SLAIN2: variants seen among roughly 807,000 people sequenced by gnomAD.
The protein encoded by SLAIN2 is SLAIN motif-containing protein 2.
In SLAIN2, 31 loss-of-function variants were observed where a neutral mutation model predicts 56.6. The observed-to-expected ratio is 0.55, with a 90% confidence interval of 0.41 to 0.74. SLAIN2 has a LOEUF of 0.74. Among genes scored for constraint, SLAIN2 ranks in the 30% least tolerant of loss-of-function variants. SLAIN2 has a pLI of 0.00. For missense variants in SLAIN2, 777 were observed against 754.2 expected (o/e 1.03, Z -0.35); for synonymous variants, 317 against 284.9 (o/e 1.11, Z -1.13).
chr4:48,395,959 T>G (rs1241049366), intron 6 of SLAIN2, among the ~76,000 whole-genome samples: 1 of 151,952 alleles, frequency 6.6e-6, no homozygotes, highest in Admixed American at 6.6e-5. Flanking sequence ...AGTAGAAGAT[T>G]TTAAGTTTAT....
intron 3 of SLAIN2, among the ~76,000 whole-genome samples, chr4:48,379,444 T>C (rs1715915159): frequency 6.6e-6 from 1 of 152,088 alleles, no homozygotes; most frequent in East Asian, 1.9e-4. Flanking sequence ...GCTGAATTGT[T>C]ACATAAGAGA....
chr4:48,389,460 G>T (rs1163701115), intron 6 of SLAIN2, among the ~76,000 whole-genome samples: 1 of 152,158 alleles, frequency 6.6e-6, no homozygotes, highest in Non-Finnish European at 1.5e-5. Context: ...AGATATTATT[G>T]GGTATATGTT....
chr4:48,411,559 T>A (rs551906233), intron 6 of SLAIN2, among the ~76,000 whole-genome samples: 2 of 152,276 alleles, frequency 1.3e-5, no homozygotes, highest in South Asian at 4.1e-4. Context: ...CATTTTCCTT[T>A]ATCTGGAATG....
chr4:48,398,976 G>T (rs58038882), intron 6 of SLAIN2, among the ~76,000 whole-genome samples: 2 of 151,982 alleles, frequency 1.3e-5, no homozygotes, highest in African/African-American at 4.8e-5. Flanking sequence ...TTGGCTATTG[G>T]GGCTCTTTTT....
At chr4:48,357,442 C>T (rs1418397595) in intron 1 of SLAIN2, among the ~76,000 whole-genome samples, 1 of 151,966 alleles carries the variant, frequency 6.6e-6, no homozygotes, top group Non-Finnish European at 1.5e-5. Context: ...AGCGCAGTGG[C>T]ACAGTCATAG....
intron 1 of SLAIN2, among the ~76,000 whole-genome samples, chr4:48,365,513 ACTTTAAT>A (rs1715491529): frequency 6.7e-6 from 1 of 148,296 alleles, no homozygotes; most frequent in African/African-American, 2.5e-5. Flanking sequence ...ACTGATTTCT[ACTTTAAT>A]CTTTATAATT....
intron 1 of SLAIN2, among the ~76,000 whole-genome samples, chr4:48,346,720 T>C (rs753747172): frequency 2.0e-5 from 3 of 152,204 alleles, no homozygotes; most frequent in Non-Finnish European, 4.4e-5. Context: ...TGGGAAGTTT[T>C]ATGTTTTCTA....
At chr4:48,361,228 A>G (rs7438704) in intron 1 of SLAIN2, among the ~76,000 whole-genome samples, 88,359 of 152,038 alleles carry the variant, frequency 0.58, 26,232 homozygotes, top group South Asian at 0.71. Context: ...GAAGAGCTGG[A>G]TGAACTTGAG....
intron 6 of SLAIN2, chr4:48,387,409 A>AAT (rs1716128371): frequency 6.6e-6 from 1 of 152,074 alleles, no homozygotes; most frequent in Non-Finnish European, 1.5e-5. Flanking sequence ...ATAATTAAGG[A>AAT]ATATATATAG....
intron 1 of SLAIN2, among the ~76,000 whole-genome samples, chr4:48,349,883 G>A (rs1714967137): frequency 6.6e-6 from 1 of 152,124 alleles, no homozygotes. Flanking sequence ...GCACATTTTT[G>A]ATAGAATTGG....
At chr4:48,378,373 G>T (rs1272555031) in intron 3 of SLAIN2, among the ~76,000 whole-genome samples, 2 of 152,142 alleles carry the variant, frequency 1.3e-5, no homozygotes, top group Non-Finnish European at 2.9e-5. Flanking sequence ...GCCTACTTGG[G>T]TTGTAAAAAC....
At chr4:48,342,272 C>T in intron 1 of SLAIN2, 144 bp downstream of exon 1, 1 of 1,089,374 alleles carries the variant, frequency 9.2e-7, no homozygotes, top group Non-Finnish European at 1.2e-6. Flanking sequence ...CTTGCTTTGG[C>T]AGAGGGAACG....
intron 2 of SLAIN2, among the ~76,000 whole-genome samples, chr4:48,373,964 G>C (rs553786430): frequency 1.3e-5 from 2 of 152,102 alleles, no homozygotes; most frequent in Non-Finnish European, 1.5e-5. Context: ...CTTAAACCCC[G>C]GTGGTGGAGG....
rs1433623492 is a variant in SLAIN2, at chr4:48,383,654, A to G, written c.1230A>G (p.Leu410=). 6.4e-7 allele frequency: 1 copy of G among 1,564,176 alleles called. No individual in the cohort carries two copies. Among genetic ancestry groups the G allele is most frequent in the African/African-American group, 1.4e-5 (1 of 73,718 alleles). ...ATTAAAATTCTGTTGCAGAAAAACT[A>G]AGACGCAGTCTTCCAAACCTGTCCC... The part of the protein sequence containing the change: ...QTSNVKNEEK[L]RRSLPNLSRT... The change falls in exon 6 of 8, where the codon CTA becomes CTG. Residue 410 remains leucine (L), a synonymous_variant. Transcript: ENST00000264313.
At chr4:48,375,360 ACTGT>A (rs1352887282) in intron 2 of SLAIN2, among the ~76,000 whole-genome samples, 1 of 152,196 alleles carries the variant, frequency 6.6e-6, no homozygotes, top group Non-Finnish European at 1.5e-5. Context: ...AAATTACTGC[ACTGT>A]CTAACTAAAC....
At position 48,425,374 on chromosome 4, in the gene SLAIN2, G is replaced by T. The variant is rs556799103; in HGVS notation, c.*3297G>T. ...CTAGTTAGAAAAAAACAAGCAAAAAGCTATTATGAGTTTCCAAGAGGGACA... is the reference window on the plus strand; with the variant it reads ...CTAGTTAGAAAAAAACAAGCAAAAATCTATTATGAGTTTCCAAGAGGGACA... On this transcript the variant is annotated 3_prime_UTR_variant, in exon 8 of 8. Coordinates refer to ENST00000264313, the MANE Select transcript of SLAIN2 (RefSeq NM_020846.2). The T allele has an allele frequency of 6.6e-6, 1 of 152,110 alleles. No individual in the cohort carries two copies. Among genetic ancestry groups the T allele is most frequent in the Non-Finnish European group, 1.5e-5 (1 of 67,970 alleles). The allele number at this position is 152,110 out of a possible 1,614,324, so 9.4% of individuals were successfully genotyped here.
intron 2 of SLAIN2, among the ~76,000 whole-genome samples, chr4:48,371,239 A>G (rs1204281438): frequency 6.6e-6 from 1 of 151,510 alleles, no homozygotes; most frequent in Non-Finnish European, 1.5e-5. Context: ...CTCCTGGCTA[A>G]TTTTTGTATT....
chr4:48,345,596 A>G (rs112004957), intron 1 of SLAIN2, among the ~76,000 whole-genome samples: 2,402 of 152,178 alleles, frequency 0.016, 58 homozygotes, highest in African/African-American at 0.055. Context: ...TATTTTATAC[A>G]TAAGATGTTA....
intron 6 of SLAIN2, among the ~76,000 whole-genome samples, chr4:48,412,369 C>CAG (rs1192352101): frequency 1.2e-4 from 6 of 48,340 alleles, no homozygotes; most frequent in African/African-American, 4.0e-4. Context: ...TATATGTACA[C>CAG]ACACACACAC....
Sources: gnomAD v4.1 joint callset for allele counts (sites outside exome capture counted in the v4.1 genomes callset) on GRCh38, gnomAD v4.1.1 for gene constraint, MANE v1.5 for transcripts, NCBI Gene and HGNC (gene_info 2026-07-23, HGNC 2026-07-21) for gene names.